Variants in NKAIN3 observed in about 807,000 individuals in gnomAD.
NKAIN3 encodes the protein sodium/potassium-transporting ATPase subunit beta-1-interacting protein 3.
In NKAIN3, 25 loss-of-function variants were observed where a neutral mutation model predicts 30.2. That is an observed-to-expected ratio of 0.83 (90% CI 0.60 to 1.16). NKAIN3 has a LOEUF of 1.16. NKAIN3 is among the 50% of genes most tolerant of loss of function. The pLI is 0.00. For synonymous variants in NKAIN3, 91 were observed against 89.6 expected (o/e 1.02, Z -0.09); for missense variants, 225 against 254.1 (o/e 0.89, Z 0.78).
chr8:62,755,480 G>A (rs1336077374), intron 4 of NKAIN3, among the ~76,000 whole-genome samples: 1 of 152,000 alleles, frequency 6.6e-6, no homozygotes, highest in Non-Finnish European at 1.5e-5. Context: ...GATCATTGTT[G>A]TTTATTTTTT....
At chr8:62,269,209 A>G (rs1275426497) in intron 1 of NKAIN3, among the ~76,000 whole-genome samples, 1 of 152,180 alleles carries the variant, frequency 6.6e-6, no homozygotes, top group Non-Finnish European at 1.5e-5. Context: ...CTTTACTAAT[A>G]CTTTATGGCC....
chr8:62,856,849 A>T (rs10107381), intron 4 of NKAIN3: 62,178 of 599,328 alleles, frequency 0.1, 3,603 homozygotes, highest in African/African-American at 0.15. Context: ...GAGATCTCAA[A>T]CACTGTTTAT....
chr8:62,590,282 G>A (rs1383065097), intron 3 of NKAIN3, among the ~76,000 whole-genome samples: 3 of 151,830 alleles, frequency 2.0e-5, no homozygotes, highest in African/African-American at 4.8e-5. Context: ...TGTTTACTAA[G>A]AAGTAAATGC....
At chr8:62,809,325 A>T (rs1242251336) in intron 4 of NKAIN3, among the ~76,000 whole-genome samples, 1 of 152,236 alleles carries the variant, frequency 6.6e-6, no homozygotes, top group Non-Finnish European at 1.5e-5. Flanking sequence ...ATTAAAGTAA[A>T]GACAGGCATA....
intron 4 of NKAIN3, among the ~76,000 whole-genome samples, chr8:62,777,258 G>C (rs1378928405): frequency 6.6e-6 from 1 of 152,094 alleles, no homozygotes; most frequent in Non-Finnish European, 1.5e-5. Flanking sequence ...GACGTTCTTT[G>C]ATATTATCCC....
intron 1 of NKAIN3, among the ~76,000 whole-genome samples, chr8:62,540,570 GGC>G (rs1808805740): frequency 6.6e-6 from 1 of 151,910 alleles, no homozygotes; most frequent in Non-Finnish European, 1.5e-5. Context: ...CAAACACATT[GGC>G]TCTTCTATAA....
intron 1 of NKAIN3, among the ~76,000 whole-genome samples, chr8:62,356,949 A>G (rs918400446): frequency 4.6e-5 from 7 of 151,998 alleles, no homozygotes; most frequent in African/African-American, 1.7e-4. Flanking sequence ...CATCTCTACA[A>G]AAATTAGCTG....
intron 3 of NKAIN3, among the ~76,000 whole-genome samples, chr8:62,621,978 G>A (rs1246983510): frequency 1.3e-5 from 2 of 151,832 alleles, no homozygotes; most frequent in Admixed American, 6.6e-5. Context: ...CTTAACCCCT[G>A]GAAACCAAAA....
chr8:62,497,058 A>C (rs987791351), intron 1 of NKAIN3, among the ~76,000 whole-genome samples: 8 of 152,082 alleles, frequency 5.3e-5, no homozygotes, highest in Admixed American at 3.9e-4. Context: ...TTTAAAAAAG[A>C]CATTTTCCTA....
chr8:62,363,637 A>G (rs1325490152), intron 1 of NKAIN3, among the ~76,000 whole-genome samples: 1 of 152,204 alleles, frequency 6.6e-6, no homozygotes, highest in Non-Finnish European at 1.5e-5. Context: ...AAAAATTACA[A>G]TACAAAAAAA....
intron 4 of NKAIN3, among the ~76,000 whole-genome samples, chr8:62,820,397 C>T (rs927982975): frequency 2.0e-5 from 3 of 152,092 alleles, no homozygotes; most frequent in Admixed American, 1.3e-4. Context: ...CTTCGAGGCT[C>T]ACTGTAAGAG....
intron 5 of NKAIN3, among the ~76,000 whole-genome samples, chr8:62,920,982 C>T (rs1385737522): frequency 1.3e-5 from 2 of 152,048 alleles, no homozygotes; most frequent in Non-Finnish European, 2.9e-5. Flanking sequence ...TAAGTTGTCC[C>T]AGGGTCTTCA....
intron 4 of NKAIN3, among the ~76,000 whole-genome samples, chr8:62,826,579 A>G (rs541917520): frequency 6.6e-6 from 1 of 152,300 alleles, no homozygotes; most frequent in East Asian, 1.9e-4. Context: ...CTGATTTTAA[A>G]TGGATGAACG....
chr8:62,333,590 C>T (rs1041468590), intron 1 of NKAIN3, among the ~76,000 whole-genome samples: 26 of 152,004 alleles, frequency 1.7e-4, no homozygotes, highest in Non-Finnish European at 2.4e-4. Context: ...TAGAGGGAGA[C>T]TTACTAAGTA....
rs1196391420 is a variant in NKAIN3, at chr8:62,760,828, C to T, written c.471+13699C>T. Among the ~76,000 whole-genome samples the T allele has an allele frequency of 5.3e-5, 8 of 152,104 alleles. No homozygotes were observed. In the South Asian group the frequency reaches 8.3e-4, roughly 16 times the overall value. On this transcript the variant is annotated intron_variant, in intron 4 of 6. Coordinates refer to ENST00000623646, the MANE Select transcript of NKAIN3 (RefSeq NM_001304533.3). ...TTTAGTCATTTCATTTAATCTATCA[C>T]ATAATTAAAAAATAGTTTAATTTTA...
At chr8:62,759,598 T>G (rs1383159) in intron 4 of NKAIN3, among the ~76,000 whole-genome samples, 134,652 of 152,144 alleles carry the variant, frequency 0.89, 59,718 homozygotes, top group African/African-American at 0.91. Flanking sequence ...GACAGCAATT[T>G]AAAGAAAAAT....
At chr8:62,506,561 G>GCCT (rs1337838355) in intron 1 of NKAIN3, among the ~76,000 whole-genome samples, 1 of 138,640 alleles carries the variant, frequency 7.2e-6, no homozygotes, top group African/African-American at 2.7e-5. Flanking sequence ...TGCAACCTCT[G>GCCT]CCTCTCGGGT....
intron 3 of NKAIN3, among the ~76,000 whole-genome samples, chr8:62,719,815 G>A (rs1010011746): frequency 6.2e-5 from 9 of 146,338 alleles, no homozygotes; most frequent in Non-Finnish European, 1.0e-4. Context: ...GGAGTGCAGC[G>A]GCGCGATCTC....
chr8:62,803,739 G>C (rs1304671213), intron 4 of NKAIN3, among the ~76,000 whole-genome samples: 2 of 152,128 alleles, frequency 1.3e-5, no homozygotes, highest in Non-Finnish European at 2.9e-5. Flanking sequence ...TCAAAAGCTA[G>C]CAGAAGGCAA....
Sources: allele counts gnomAD v4.1 joint callset (sites outside exome capture counted in the v4.1 genomes callset), GRCh38; gene constraint gnomAD v4.1.1; transcripts MANE v1.5; gene names NCBI Gene and HGNC (gene_info 2026-07-23, HGNC 2026-07-21).